Variants in TLN2 observed in about 807,000 individuals in gnomAD.
TLN2 encodes talin-2.
TLN2 carries 118 observed loss-of-function variants against 294.7 expected under a neutral mutation model. The observed-to-expected ratio is 0.40, with a 90% CI of 0.34 to 0.47. The LOEUF is 0.47. TLN2 is among the 20% of genes least tolerant of loss of function. TLN2 has a pLI of 0.84. For missense variants in TLN2, 3,083 were observed against 3,282.2 expected (o/e 0.94, Z 1.48); for synonymous variants, 1,431 against 1,304.5 (o/e 1.10, Z -2.09).
intron 21 of TLN2, among the ~76,000 whole-genome samples, chr15:62,709,861 A>C (rs1170513024): frequency 6.6e-6 from 1 of 152,044 alleles, no homozygotes; most frequent in African/African-American, 2.4e-5. Context: ...CAGCCTCCCA[A>C]GTAGCTGGGA....
intron 22 of TLN2, among the ~76,000 whole-genome samples, chr15:62,715,065 G>A (rs2140900384): frequency 6.6e-6 from 1 of 152,328 alleles, no homozygotes; most frequent in African/African-American, 2.4e-5. Context: ...CATGTGAAAT[G>A]CAGAAATAAA....
intron 1 of TLN2, among the ~76,000 whole-genome samples, chr15:62,465,409 T>C (rs1032271400): frequency 6.6e-6 from 1 of 152,198 alleles, no homozygotes; most frequent in African/African-American, 2.4e-5. Context: ...GATAATTGTA[T>C]GGAGGCAGTG....
intron 1 of TLN2, among the ~76,000 whole-genome samples, chr15:62,399,129 C>T (rs933213032): frequency 1.3e-5 from 2 of 152,006 alleles, no homozygotes; most frequent in East Asian, 3.9e-4. Flanking sequence ...GATGTTGGTC[C>T]TGCAGGCGTG....
chr15:62,577,797 A>G (rs1330836606), intron 1 of TLN2, among the ~76,000 whole-genome samples: 1 of 151,934 alleles, frequency 6.6e-6, no homozygotes, highest in East Asian at 1.9e-4. Context: ...GCACCCATCA[A>G]CTCGTCATTT....
At chr15:62,733,613 G>A (rs1224155390) in intron 28 of TLN2, among the ~76,000 whole-genome samples, 1 of 152,212 alleles carries the variant, frequency 6.6e-6, no homozygotes, top group Admixed American at 6.5e-5. Flanking sequence ...AGGTTGCTAT[G>A]TGGCCCAATA....
chr15:62,750,309 T>C, intron 33 of TLN2, 93 bp from the exon 34 acceptor site: 2 of 997,822 alleles, frequency 2.0e-6, no homozygotes, highest in Non-Finnish European at 3.2e-6. Context: ...GAAACTTGTG[T>C]ATGGAGGGAG....
intron 14 of TLN2, among the ~76,000 whole-genome samples, chr15:62,694,614 G>A (rs924064726): frequency 6.6e-6 from 1 of 152,214 alleles, no homozygotes; most frequent in African/African-American, 2.4e-5. Flanking sequence ...TGACCAAGGT[G>A]TGGCATTTTA....
rs117256681 is a variant in TLN2, at chr15:62,668,980, T to C, written c.789-4847T>C. ...AACTTTGAACTTACACATTTGTTGC[T>C]ACTGTTTTGATGTAGGGCCAAGGTT... On this transcript the variant is annotated intron_variant, in intron 9 of 58. Transcript: ENST00000636159. Among the ~76,000 whole-genome samples the C allele has an allele frequency of 5.3e-4, 81 of 152,358 alleles. 1 individual carries two copies. The East Asian group carries it at 6.9e-3, about 13-fold the overall frequency.
At chr15:62,690,662 A>G (rs866575545) in intron 12 of TLN2, among the ~76,000 whole-genome samples, 6,445 of 147,712 alleles carry the variant, frequency 0.044, 359 homozygotes, top group Middle Eastern at 0.083. Context: ...CAAGGCGGGC[A>G]GCTGGGAGGT....
In TLN2 at chr15:62,842,485, T is replaced by G. The variant is rs2141276993; in HGVS notation, c.*1875T>G. ...CAGACCCCAATGCTCAGAGTCACAA[T>G]GTGTTCATGGCCTCCTGTAACAGGA... On this transcript the variant is annotated 3_prime_UTR_variant, in exon 59 of 59. Transcript: ENST00000636159. 1 of 152,298 alleles carries G rather than the reference T, an allele frequency of 6.6e-6. No homozygotes were observed. The highest frequency in any genetic ancestry group is 2.4e-5 in the African/African-American group (1 of 41,554). 9.4% of individuals were successfully genotyped at this position (152,298 alleles called of 1,614,324 possible). A position where few individuals can be genotyped will look rare whatever the true frequency, so the allele number is the denominator to read the frequency against.
intron 20 of TLN2, among the ~76,000 whole-genome samples, 159 bp downstream of exon 20, chr15:62,707,412 G>A (rs528972115): frequency 3.9e-5 from 6 of 152,198 alleles, no homozygotes; most frequent in East Asian, 3.8e-4. Context: ...TAGCATAAGC[G>A]GTCAAATTCT....
intron 2 of TLN2, among the ~76,000 whole-genome samples, chr15:62,592,637 T>C (rs1341708969): frequency 7.5e-6 from 1 of 133,732 alleles, no homozygotes; most frequent in Admixed American, 7.6e-5. Context: ...CTTTAAGTGA[T>C]GTGGACCAGT....
intron 2 of TLN2, among the ~76,000 whole-genome samples, chr15:62,601,575 T>G (rs1398012795): frequency 6.6e-6 from 1 of 152,248 alleles, no homozygotes; most frequent in Non-Finnish European, 1.5e-5. Context: ...GACTCTTTGT[T>G]ACATTACTGG....
intron 1 of TLN2, among the ~76,000 whole-genome samples, chr15:62,390,980 G>T (rs1036393527): frequency 1.3e-5 from 2 of 152,232 alleles, no homozygotes; most frequent in African/African-American, 4.8e-5. Context: ...AAACAGCCTC[G>T]CAGTCGGCGC....
chr15:62,659,432 G>A (rs1312959455), intron 9 of TLN2, among the ~76,000 whole-genome samples: 1 of 152,190 alleles, frequency 6.6e-6, no homozygotes, highest in Non-Finnish European at 1.5e-5. Flanking sequence ...TTCCTAGTAT[G>A]ATGGGTCGTA....
intron 11 of TLN2, among the ~76,000 whole-genome samples, chr15:62,677,967 G>C (rs1307048956): frequency 6.6e-6 from 1 of 151,548 alleles, no homozygotes. Flanking sequence ...AGCTAATTCT[G>C]TATTTTTGAT....
At chr15:62,775,798 A>G (rs1041075281) in intron 42 of TLN2, among the ~76,000 whole-genome samples, 4 of 152,270 alleles carry the variant, frequency 2.6e-5, no homozygotes, top group Admixed American at 6.5e-5. Flanking sequence ...GGGTAGACCC[A>G]GTGCCTGGAT....
chr15:62,752,261 A>G, intron 34 of TLN2, 44 bp from the exon 35 acceptor site: 1 of 1,608,234 alleles, frequency 6.2e-7, no homozygotes, highest in Non-Finnish European at 8.5e-7. Context: ...CCTTGGTTTG[A>G]GGCAATGCTG....
chr15:62,805,847 G>A, intron 51 of TLN2, 62 bp downstream of exon 51: 1 of 1,543,858 alleles, frequency 6.5e-7, no homozygotes, highest in Non-Finnish European at 8.8e-7. Flanking sequence ...GGGTTGCTTG[G>A]TGTAGTCTGA....
Sources: gnomAD v4.1 joint callset for allele counts (sites outside exome capture counted in the v4.1 genomes callset) on GRCh38, gnomAD v4.1.1 for gene constraint, MANE v1.5 for transcripts, NCBI Gene and HGNC (gene_info 2026-07-23, HGNC 2026-07-21) for gene names.